Variants in EYS observed in about 807,000 individuals in gnomAD.
The protein encoded by EYS is EGF-like photoreceptor maintenance factor.
A neutral mutation model predicts 282.1 loss-of-function variants in EYS; 250 were observed. That is an observed-to-expected ratio of 0.89 (90% confidence interval 0.80 to 0.98). The LOEUF (loss-of-function observed/expected upper bound fraction) is 0.98, where lower values mean the gene tolerates loss of function less well. Among genes scored for constraint, EYS ranks in the 50% least tolerant of loss-of-function variants. The pLI, the probability that EYS is intolerant of heterozygous loss-of-function variation, is 0.00. For synonymous variants in EYS, 1,355 were observed against 1,282.9 expected, an observed-to-expected ratio of 1.06 and a Z score of -1.20; for missense variants, 4,016 against 3,709.0, an observed-to-expected ratio of 1.08 and a Z score of -2.15.
At chr6:64,031,696 C>A (rs367551972) in intron 33 of EYS, among the ~76,000 whole-genome samples, 10 of 152,202 alleles carry the variant, frequency 6.6e-5, no homozygotes, top group African/African-American at 2.4e-4. Context: ...AATTGACACT[C>A]TGTTATCTAG....
intron 31 of EYS, among the ~76,000 whole-genome samples, chr6:64,150,148 T>C (rs1437237022): frequency 1.3e-5 from 2 of 152,190 alleles, no homozygotes; most frequent in Non-Finnish European, 2.9e-5. Flanking sequence ...GTCAGAAATG[T>C]GGAATCTCAG....
intron 22 of EYS, among the ~76,000 whole-genome samples, chr6:64,798,698 G>A (rs1449859292): frequency 1.4e-5 from 2 of 145,904 alleles, no homozygotes; most frequent in Non-Finnish European, 3.0e-5. Flanking sequence ...CAGTCCAAGT[G>A]GAGGAGATCC....
At chr6:65,059,733 G>A (rs1030965430) in intron 12 of EYS, among the ~76,000 whole-genome samples, 2 of 152,138 alleles carry the variant, frequency 1.3e-5, no homozygotes, top group Admixed American at 1.3e-4. Context: ...AACAAGAGAA[G>A]CACCTCAGGA....
chr6:64,167,351 G>T (rs1315105666), intron 31 of EYS, among the ~76,000 whole-genome samples: 1 of 152,136 alleles, frequency 6.6e-6, no homozygotes, highest in Admixed American at 6.6e-5. Context: ...TTGTGATGAT[G>T]GATTATTGAT....
intron 26 of EYS, among the ~76,000 whole-genome samples, chr6:64,540,301 G>A (rs1029369000): frequency 1.3e-5 from 2 of 152,038 alleles, no homozygotes; most frequent in Non-Finnish European, 2.9e-5. Context: ...CAGGACCTAC[G>A]GGTCTCACCT....
Position 64,660,766 on chromosome 6 carries a change from C to T in EYS, c.3444-34521G>A, listed in dbSNP as rs140686281. Among the ~76,000 whole-genome samples, 354 of 152,236 alleles carry T rather than the reference C, an allele frequency of 2.3e-3. 2 individuals are homozygous for T. Among genetic ancestry groups the T allele is most frequent in the Middle Eastern group, 0.01 (3 of 294 alleles). On this transcript the variant is annotated intron_variant, in intron 22 of 42. Coordinates refer to ENST00000503581, the MANE Select transcript of EYS (RefSeq NM_001142800.2). The stretch of plus-strand genomic sequence containing the variant: ...CAGAAACAAATGGAAGAACATTCCA[C>T]GCTCATGGGTAAGAAGAATCAATAT...
At chr6:64,390,177 G>A (rs1773067311) in intron 28 of EYS, among the ~76,000 whole-genome samples, 2 of 152,248 alleles carry the variant, frequency 1.3e-5, no homozygotes, top group Admixed American at 6.5e-5. Context: ...CAAACTGCAA[G>A]GAGGCAGCGA....
At chr6:65,042,240 T>TAAA (rs1187839541) in intron 13 of EYS, among the ~76,000 whole-genome samples, 1 of 151,566 alleles carries the variant, frequency 6.6e-6, no homozygotes, top group Non-Finnish European at 1.5e-5. Context: ...AACTTATCTA[T>TAAA]GTCTTTATAT....
At chr6:65,626,859 C>A (rs984589489) in intron 2 of EYS, among the ~76,000 whole-genome samples, 1 of 151,012 alleles carries the variant, frequency 6.6e-6, no homozygotes, top group Non-Finnish European at 1.5e-5. Context: ...CTCATAAGAA[C>A]AGAGAGCCCC....
chr6:64,084,668 A>G (rs941691627), intron 31 of EYS, among the ~76,000 whole-genome samples: 1 of 152,202 alleles, frequency 6.6e-6, no homozygotes, highest in African/African-American at 2.4e-5. Context: ...CAAGAACCTT[A>G]AGAAAGATTC....
chr6:64,790,880 AAAG>A (rs1225936423), intron 22 of EYS, among the ~76,000 whole-genome samples: 3 of 152,000 alleles, frequency 2.0e-5, no homozygotes, highest in South Asian at 2.1e-4. Context: ...TTTCTTAATA[AAAG>A]AAGAATGAAA....
intron 31 of EYS, among the ~76,000 whole-genome samples, chr6:64,199,335 G>T (rs1190026321): frequency 1.3e-5 from 2 of 152,104 alleles, no homozygotes; most frequent in Non-Finnish European, 2.9e-5. Context: ...AATGGGGAGA[G>T]GATTCCCTAT....
chr6:64,676,377 G>C (rs1441122058), intron 22 of EYS, among the ~76,000 whole-genome samples: 2 of 149,158 alleles, frequency 1.3e-5, no homozygotes, highest in African/African-American at 2.4e-5. Flanking sequence ...GAGAAAGAGG[G>C]AGAGAGAGCA....
intron 41 of EYS, among the ~76,000 whole-genome samples, chr6:63,734,372 G>A (rs1187834003): frequency 2.6e-5 from 4 of 152,126 alleles, no homozygotes; most frequent in Admixed American, 1.3e-4. Context: ...TGTCTTATAA[G>A]AATGAGATGG....
At chr6:65,475,913 A>ATTACATGAT (rs1765387777) in intron 5 of EYS, among the ~76,000 whole-genome samples, 1 of 152,104 alleles carries the variant, frequency 6.6e-6, no homozygotes, top group African/African-American at 2.4e-5. Flanking sequence ...TACAGAACCG[A>ATTACATGAT]TTACATGATT....
At chr6:65,560,226 T>A (rs4710527) in intron 2 of EYS, among the ~76,000 whole-genome samples, 52 of 129,474 alleles carry the variant, frequency 4.0e-4, no homozygotes, top group Non-Finnish European at 7.9e-4. Flanking sequence ...AAAATATAAT[T>A]ATAATATATT....
At chr6:64,609,064 A>G (rs942895073) in intron 24 of EYS, among the ~76,000 whole-genome samples, 1 of 152,126 alleles carries the variant, frequency 6.6e-6, no homozygotes, top group African/African-American at 2.4e-5. Flanking sequence ...GGTGATAATG[A>G]TGTAATATAG....
intron 35 of EYS, among the ~76,000 whole-genome samples, chr6:63,917,161 C>A (rs146838881): frequency 1.3e-5 from 2 of 152,194 alleles, no homozygotes; most frequent in African/African-American, 2.4e-5. Flanking sequence ...CGTGCACGCG[C>A]GTGCATGTGC....
chr6:64,014,536 C>A (rs73762531), intron 33 of EYS, among the ~76,000 whole-genome samples: 6,283 of 152,008 alleles, frequency 0.041, 413 homozygotes, highest in African/African-American at 0.14. Context: ...CAGTAATAAT[C>A]CTAGTTTCAC....
Sources: allele counts gnomAD v4.1 joint callset (sites outside exome capture counted in the v4.1 genomes callset), GRCh38; gene constraint gnomAD v4.1.1; transcripts MANE v1.5; gene names NCBI Gene and HGNC (gene_info 2026-07-23, HGNC 2026-07-21).